Variants in CATSPERB observed in about 807,000 individuals in gnomAD.
CATSPERB encodes the protein cation channel sperm-associated auxiliary subunit beta.
CATSPERB carries 93 observed loss-of-function variants against 128.3 expected under a neutral mutation model. That is an observed-to-expected ratio of 0.72 (90% CI 0.61 to 0.86). The LOEUF (loss-of-function observed/expected upper bound fraction) is 0.86. CATSPERB is among the 40% of genes least tolerant of loss of function. The pLI, the probability that CATSPERB is intolerant of heterozygous loss-of-function variation, is 0.00. For synonymous variants in CATSPERB, 381 were observed against 448.8 expected (o/e 0.85, Z 1.91); for missense variants, 1,153 against 1,329.5 (o/e 0.87, Z 2.06).
At chr14:91,716,747 A>G (rs1211135959) in intron 5 of CATSPERB, among the ~76,000 whole-genome samples, 1 of 151,682 alleles carries the variant, frequency 6.6e-6, no homozygotes, top group African/African-American at 2.4e-5. Flanking sequence ...ACACACACAC[A>G]CAGACACACA....
chr14:91,693,293 T>C, intron 8 of CATSPERB, 49 bp from the exon 9 acceptor site: 2 of 1,552,658 alleles, frequency 1.3e-6, no homozygotes, highest in Non-Finnish European at 1.8e-6. Context: ...AAAAAGTGAG[T>C]TCCTTACTGA....
chr14:91,596,082 T>A (rs982934340), intron 22 of CATSPERB, among the ~76,000 whole-genome samples: 1 of 152,212 alleles, frequency 6.6e-6, no homozygotes, highest in Non-Finnish European at 1.5e-5. Flanking sequence ...TTGATAGTCA[T>A]GAACATTTCA....
At position 91,659,965 on chromosome 14, in the gene CATSPERB, T is replaced by A; in HGVS notation, c.1304A>T (p.Asp435Val). 1 of 1,583,946 alleles carries A rather than the reference T, an allele frequency of 6.3e-7. No individual in the cohort carries two copies. Among genetic ancestry groups the A allele is most frequent in the Non-Finnish European group, 8.5e-7 (1 of 1,170,768 alleles). Residue 435 changes from aspartate to valine, a missense_variant, in exon 15 of 27, where the codon GAT (aspartate) becomes GTT (valine). Coordinates refer to ENST00000256343, the MANE Select transcript of CATSPERB (RefSeq NM_024764.4). ...TATTAATTGAAAGGTGTTGCCGCCA[T>A]CAACTGAAAGCCATATCTAAAGGAA... is the stretch of plus-strand genomic sequence containing the variant. ...AYGNQIWLSV[D>V]GGNTFQLIAN...
rs45583931 is a variant in CATSPERB, at chr14:91,621,620, G to T, written c.2248C>A (p.Arg750=). ...AAAACAAACTTACCTTTTGCATTCC[G>T]TATGACCTTAGCTTTTAAAACATAA... ...NSYVLKAKVI[R]NAKGFRMLEI... is the part of the protein sequence containing the mutation. The change falls in exon 19 of 27, where the codon CGG becomes AGG. Residue 750 remains arginine (R), a synonymous_variant. Coordinates refer to ENST00000256343, the MANE Select transcript of CATSPERB (RefSeq NM_024764.4). 6,339 of 1,589,954 alleles carry T rather than the reference G, an allele frequency of 4.0e-3. 18 individuals are homozygous for T. Among genetic ancestry groups the T allele is most frequent in the Middle Eastern group, 5.7e-3 (33 of 5,830 alleles).
At chr14:91,644,330 A>T in intron 15 of CATSPERB, among the ~76,000 whole-genome samples, 1 of 131,656 alleles carries the variant, frequency 7.6e-6, no homozygotes, top group African/African-American at 2.9e-5. Context: ...TTTTGGCATG[A>T]TTTTGCAGCG....
chr14:91,708,878 C>A (rs956653500), intron 5 of CATSPERB, among the ~76,000 whole-genome samples: 9 of 152,112 alleles, frequency 5.9e-5, no homozygotes, highest in African/African-American at 1.2e-4. Flanking sequence ...ATTTTAAATG[C>A]AAAAGCATAA....
chr14:91,596,187 G>C (rs566115140), intron 22 of CATSPERB, among the ~76,000 whole-genome samples: 1 of 152,042 alleles, frequency 6.6e-6, no homozygotes, highest in East Asian at 1.9e-4. Context: ...GTTAGAGTCT[G>C]ATAGCTAATT....
Position 91,731,989 on chromosome 14 carries a change from T to C in CATSPERB, c.-60A>G, listed in dbSNP as rs1480961451. 6.6e-6 allele frequency: 1 copy of C among 152,652 alleles called. No individual in the cohort carries two copies. The allele number at this position is 152,652 out of a possible 1,614,324, so 9.5% of individuals were successfully genotyped here. ...TTTTTTATATTTTTTCTCAGTTTTC[T>C]TCCATATAGACTGAGAAGAAAGACC... is the stretch of plus-strand genomic sequence containing the variant. On this transcript the variant is annotated 5_prime_UTR_variant, in exon 1 of 27. Transcript: ENST00000256343.
intron 22 of CATSPERB, among the ~76,000 whole-genome samples, chr14:91,596,101 T>C (rs973666740): frequency 6.6e-6 from 1 of 152,166 alleles, no homozygotes; most frequent in Non-Finnish European, 1.5e-5. Flanking sequence ...CAGCTCTCCA[T>C]GAGAGTTCTG....
chr14:91,695,276 TG>T (rs1186582470), intron 7 of CATSPERB, among the ~76,000 whole-genome samples: 2 of 152,192 alleles, frequency 1.3e-5, no homozygotes, highest in Admixed American at 1.3e-4. Context: ...ATTACAGGTG[TG>T]CACCACCATG....
At chr14:91,668,849 T>G (rs140424987) in intron 14 of CATSPERB, among the ~76,000 whole-genome samples, 439 of 152,160 alleles carry the variant, frequency 2.9e-3, no homozygotes, top group African/African-American at 0.01. Context: ...CATCTGAACA[T>G]CTAAAGGGAA....
At chr14:91,708,476 T>C (rs1373514780) in intron 5 of CATSPERB, among the ~76,000 whole-genome samples, 1 of 152,216 alleles carries the variant, frequency 6.6e-6, no homozygotes, top group Non-Finnish European at 1.5e-5. Flanking sequence ...AATATTTATG[T>C]CATAATTTTT....
intron 13 of CATSPERB, among the ~76,000 whole-genome samples, chr14:91,670,298 A>C (rs1168318076): frequency 1.3e-5 from 2 of 152,222 alleles, no homozygotes; most frequent in African/African-American, 4.8e-5. Context: ...TCATGCCAAA[A>C]GTGTGGATGC....
intron 2 of CATSPERB, among the ~76,000 whole-genome samples, chr14:91,728,563 A>G (rs1372363762): frequency 6.6e-6 from 1 of 152,154 alleles, no homozygotes; most frequent in African/African-American, 2.4e-5. Context: ...GAGGAGAGAC[A>G]GAGAAACAAT....
At chr14:91,613,085 T>A (rs1296432874) in intron 20 of CATSPERB, among the ~76,000 whole-genome samples, 8 of 152,170 alleles carry the variant, frequency 5.3e-5, no homozygotes, top group South Asian at 2.1e-4. Context: ...AAAAGTATTT[T>A]AAAAAATTTT....
At chr14:91,660,425 C>G (rs1894858521) in intron 14 of CATSPERB, among the ~76,000 whole-genome samples, 1 of 152,150 alleles carries the variant, frequency 6.6e-6, no homozygotes, top group Non-Finnish European at 1.5e-5. Context: ...CATGGAAGAG[C>G]CCCTTGTCAT....
Position 91,729,364 on chromosome 14 carries a change from G to A in CATSPERB, c.79+37C>T, listed in dbSNP as rs529360680. Reference sequence around the variant, plus strand: ...GGAAGAGACACAAATAAGAACTCCTGAGAAGGAAATAGAGAGTAAGATGGT... The same window carrying A: ...GGAAGAGACACAAATAAGAACTCCTAAGAAGGAAATAGAGAGTAAGATGGT... On this transcript the variant is annotated intron_variant, in intron 2 of 26. Coordinates refer to ENST00000256343, the MANE Select transcript of CATSPERB (RefSeq NM_024764.4). 6 of 961,120 alleles carry A rather than the reference G, an allele frequency of 6.2e-6. No homozygotes were observed. In the South Asian group the frequency reaches 1.1e-4, roughly 18 times the overall value. 59.5% of individuals were successfully genotyped at this position (961,120 alleles called of 1,614,324 possible).
At chr14:91,599,189 A>C (rs899946663) in intron 22 of CATSPERB, among the ~76,000 whole-genome samples, 3 of 152,218 alleles carry the variant, frequency 2.0e-5, no homozygotes, top group Non-Finnish European at 2.9e-5. Context: ...GGTCAGGGGC[A>C]TCTCCATTCA....
chr14:91,697,637 T>A (rs1490755101), intron 7 of CATSPERB, among the ~76,000 whole-genome samples: 1 of 152,174 alleles, frequency 6.6e-6, no homozygotes, highest in Non-Finnish European at 1.5e-5. Flanking sequence ...TTGAATAGGG[T>A]CTTTTCCCTA....
Sources: allele counts gnomAD v4.1 joint callset (sites outside exome capture counted in the v4.1 genomes callset), GRCh38; gene constraint gnomAD v4.1.1; transcripts MANE v1.5; gene names NCBI Gene and HGNC (gene_info 2026-07-23, HGNC 2026-07-21).